NRXN3: variants seen among roughly 807,000 people sequenced by gnomAD.
NRXN3 encodes the protein neurexin 3, also known as neurexin III.
In NRXN3, 32 loss-of-function variants were observed where a neutral mutation model predicts 137.6. That is an observed-to-expected ratio of 0.23 (90% CI 0.18 to 0.31). NRXN3 has a LOEUF of 0.31. NRXN3 is among the 10% of genes least tolerant of loss of function. NRXN3 has a pLI of 1.00. For missense variants in NRXN3, 1,574 were observed against 2,062.5 expected (o/e 0.76, Z 4.59); for synonymous variants, 798 against 784.5 (o/e 1.02, Z -0.29).
chr14:79,704,549 G>A (rs1406447778), intron 19 of NRXN3, among the ~76,000 whole-genome samples: 3 of 152,150 alleles, frequency 2.0e-5, no homozygotes, highest in African/African-American at 7.2e-5. Flanking sequence ...AGCCTCCGGG[G>A]GAAGTTTATT....
intron 10 of NRXN3, among the ~76,000 whole-genome samples, chr14:78,876,689 T>C (rs1375131544): frequency 1.3e-5 from 2 of 152,210 alleles, no homozygotes; most frequent in African/African-American, 4.8e-5. Flanking sequence ...TGCAGTCACT[T>C]ATCAAATGTG....
At chr14:78,785,387 G>T (rs1158437673) in intron 8 of NRXN3, among the ~76,000 whole-genome samples, 1 of 152,148 alleles carries the variant, frequency 6.6e-6, no homozygotes, top group Non-Finnish European at 1.5e-5. Context: ...TCTATCTTCT[G>T]CTGCAGCGCT....
chr14:79,019,834 C>T (rs2099585705), intron 15 of NRXN3, among the ~76,000 whole-genome samples: 1 of 151,946 alleles, frequency 6.6e-6, no homozygotes, highest in South Asian at 2.1e-4. Flanking sequence ...CTTGGGGATG[C>T]CCTGAGTAAT....
At chr14:78,357,524 T>C (rs1420439736) in intron 4 of NRXN3, among the ~76,000 whole-genome samples, 1 of 152,230 alleles carries the variant, frequency 6.6e-6, no homozygotes, top group Non-Finnish European at 1.5e-5. Context: ...GTTTCCCTAC[T>C]GGTGAATTTC....
chr14:78,576,097 C>T (rs1313895934), intron 4 of NRXN3, among the ~76,000 whole-genome samples: 1 of 152,168 alleles, frequency 6.6e-6, no homozygotes, highest in Non-Finnish European at 1.5e-5. Context: ...ATTAGTCATG[C>T]ACAGAATATT....
At chr14:79,131,209 C>T (rs889708853) in intron 15 of NRXN3, among the ~76,000 whole-genome samples, 3 of 152,200 alleles carry the variant, frequency 2.0e-5, no homozygotes, top group African/African-American at 7.2e-5. Context: ...AGCTTTGTTC[C>T]ATTGCTGGTG....
At chr14:78,809,488 C>T (rs1187136503) in intron 9 of NRXN3, among the ~76,000 whole-genome samples, 1 of 152,154 alleles carries the variant, frequency 6.6e-6, no homozygotes, top group Non-Finnish European at 1.5e-5. Flanking sequence ...GCCTTTGAAT[C>T]ACTAGCAATC....
chr14:78,276,979 C>T (rs2063985), intron 2 of NRXN3, among the ~76,000 whole-genome samples: 23,559 of 152,148 alleles, frequency 0.15, 1,910 homozygotes, highest in East Asian at 0.23. Flanking sequence ...TTCTTCCTGC[C>T]ATTCATCCCT....
intron 16 of NRXN3, among the ~76,000 whole-genome samples, chr14:79,600,298 C>T (rs986479187): frequency 6.6e-6 from 1 of 152,108 alleles, no homozygotes; most frequent in Non-Finnish European, 1.5e-5. Context: ...CTCTGAGCTC[C>T]TTAGAGAGTT....
At chr14:78,229,784 G>C (rs4903730) in intron 1 of NRXN3, among the ~76,000 whole-genome samples, 1 of 151,936 alleles carries the variant, frequency 6.6e-6, no homozygotes, top group African/African-American at 2.4e-5. Flanking sequence ...CTTTGCCACT[G>C]TCTTCCTTCT....
intron 15 of NRXN3, among the ~76,000 whole-genome samples, chr14:79,145,874 T>C (rs910430567): frequency 6.6e-6 from 1 of 152,186 alleles, no homozygotes; most frequent in African/African-American, 2.4e-5. Context: ...GATTTATTAA[T>C]ACCTTCATGG....
intron 8 of NRXN3, among the ~76,000 whole-genome samples, chr14:78,739,885 C>T (rs1659250324): frequency 6.6e-6 from 1 of 152,164 alleles, no homozygotes; most frequent in Non-Finnish European, 1.5e-5. Flanking sequence ...CCTACTTTCT[C>T]TCAGAACAAG....
At chr14:79,424,967 A>G (rs543533768) in intron 15 of NRXN3, among the ~76,000 whole-genome samples, 2 of 152,338 alleles carry the variant, frequency 1.3e-5, no homozygotes, top group Non-Finnish European at 2.9e-5. Flanking sequence ...AAGCTGACTA[A>G]CTGTTCTTTA....
chr14:78,883,042 G>A (rs1311024750), intron 10 of NRXN3, among the ~76,000 whole-genome samples: 1 of 152,008 alleles, frequency 6.6e-6, no homozygotes, highest in Admixed American at 6.6e-5. Context: ...ACTTCTCCCT[G>A]GTGCCACCAT....
chr14:78,368,202 C>T (rs2086266960), intron 4 of NRXN3, among the ~76,000 whole-genome samples: 1 of 152,136 alleles, frequency 6.6e-6, no homozygotes, highest in Admixed American at 6.5e-5. Context: ...TATAATTGAA[C>T]ATGCAAAGTG....
In NRXN3 at chr14:78,646,641, A is replaced by G. The variant is rs748826178; in HGVS notation, c.1059+1220A>G. Among the ~76,000 whole-genome samples, 83 of 152,208 alleles carry G rather than the reference A, an allele frequency of 5.5e-4. 1 individual carries two copies. Among genetic ancestry groups the G allele is most frequent in the Non-Finnish European group, 9.4e-4 (64 of 68,040 alleles). On this transcript the variant is annotated intron_variant, in intron 5 of 20. Coordinates refer to ENST00000335750, the MANE Select transcript of NRXN3 (RefSeq NM_001330195.2). ...TTGAAACACATTTCCACACTTAGGT[A>G]TGTCAAGGAAGCCATCCTGTTGGGA... is the stretch of plus-strand genomic sequence containing the variant.
chr14:79,790,738 A>T (rs1742080814), intron 19 of NRXN3, among the ~76,000 whole-genome samples: 1 of 149,542 alleles, frequency 6.7e-6, no homozygotes, highest in Non-Finnish European at 1.5e-5. Flanking sequence ...CTCCTGCCTC[A>T]GCCACCCGAG....
intron 15 of NRXN3, among the ~76,000 whole-genome samples, chr14:79,382,956 G>T (rs1026435562): frequency 6.9e-6 from 1 of 144,418 alleles, no homozygotes; most frequent in Admixed American, 6.9e-5. Flanking sequence ...ACCTTATATA[G>T]AGAGATATGA....
chr14:79,490,950 C>T (rs78718408), intron 16 of NRXN3, among the ~76,000 whole-genome samples: 3,304 of 152,036 alleles, frequency 0.022, 126 homozygotes, highest in African/African-American at 0.075. Context: ...CTACTATGTA[C>T]CCACAAATTT....
Sources: gnomAD v4.1 joint callset for allele counts (sites outside exome capture counted in the v4.1 genomes callset) on GRCh38, gnomAD v4.1.1 for gene constraint, MANE v1.5 for transcripts, NCBI Gene and HGNC (gene_info 2026-07-23, HGNC 2026-07-21) for gene names.